The following HTT variants were observed in gnomAD, a reference collection of about 807,000 sequenced individuals.
HTT encodes huntingtin.
Under a neutral mutation model 362.3 loss-of-function variants are expected in HTT, and 104 were observed. That is an observed-to-expected ratio of 0.29 (90% CI 0.24 to 0.34). HTT has a LOEUF of 0.34. Among genes scored for constraint, HTT ranks in the 10% least tolerant of loss-of-function variants. The probability of loss-of-function intolerance (pLI) is 1.00; values close to 1 mark genes in which losing one functional copy is unlikely to be tolerated. For synonymous variants in HTT, 1,577 were observed against 1,548.7 expected (o/e 1.02, Z -0.43); for missense variants, 3,301 against 3,928.6 (o/e 0.84, Z 4.27).
chr4:3,229,496 G>C (rs549723156), intron 59 of HTT, among the ~76,000 whole-genome samples: 3 of 132,022 alleles, frequency 2.3e-5, no homozygotes, highest in Admixed American at 1.5e-4. Context: ...CTACACACAC[G>C]CCACGTGCAC....
At position 3,218,922 on chromosome 4, in the gene HTT, T is replaced by C. The variant is rs989232417; in HGVS notation, c.7242+970T>C. On this transcript the variant is annotated intron_variant, in intron 52 of 66. Transcript: ENST00000355072. This position sits in a 1 kb window ranked among gnomAD's most constrained non-coding sequence, Gnocchi z 4.4. Reference sequence around the variant, plus strand: ...GAGGCTTGTGGCTGCCTGAGAAGGGTGCGTGCCTGCCTGTGTGTGTGTGTG... The same window carrying C: ...GAGGCTTGTGGCTGCCTGAGAAGGGCGCGTGCCTGCCTGTGTGTGTGTGTG... 6.6e-6 allele frequency among the ~76,000 whole-genome samples: 1 copy of C among 151,854 alleles called. No homozygotes were observed. The highest frequency in any genetic ancestry group is 2.4e-5 in the African/African-American group (1 of 41,356).
At chr4:3,238,232 A>G (rs1189736104) in intron 64 of HTT, among the ~76,000 whole-genome samples, 4 of 152,200 alleles carry the variant, frequency 2.6e-5, no homozygotes, top group Admixed American at 2.6e-4. Flanking sequence ...AGACAGAGGA[A>G]GGGCTGGGGT....
chr4:3,147,604 C>T (rs557411471), intron 25 of HTT, among the ~76,000 whole-genome samples: 3 of 152,270 alleles, frequency 2.0e-5, no homozygotes, highest in East Asian at 3.9e-4. Flanking sequence ...CCAACTTGAA[C>T]ATGGGCTGGA....
intron 37 of HTT, 75 bp from the exon 38 acceptor site, chr4:3,186,522 T>C: frequency 6.5e-7 from 1 of 1,539,268 alleles, no homozygotes; most frequent in East Asian, 2.3e-5. Flanking sequence ...TGCCCTTGAG[T>C]TACATAGCTG....
chr4:3,078,338 A>G (rs1712675405), intron 1 of HTT, among the ~76,000 whole-genome samples: 1 of 152,268 alleles, frequency 6.6e-6, no homozygotes, highest in Non-Finnish European at 1.5e-5. Context: ...TTTCATTCTA[A>G]TGAAGGACAT....
intron 30 of HTT, 57 bp downstream of exon 30, chr4:3,172,454 G>A (rs1011661155): frequency 2.7e-5 from 29 of 1,091,666 alleles, no homozygotes; most frequent in African/African-American, 1.9e-4. Flanking sequence ...ACAGCAAAAC[G>A]CTGCTACTCC....
chr4:3,082,408 G>A (rs1712959922), intron 1 of HTT, among the ~76,000 whole-genome samples: 1 of 152,154 alleles, frequency 6.6e-6, no homozygotes, highest in Admixed American at 6.5e-5. Context: ...AGACAACAAG[G>A]AGGAAAAATA....
At chr4:3,114,303 G>C (rs1444448141) in intron 6 of HTT, among the ~76,000 whole-genome samples, 1 of 152,196 alleles carries the variant, frequency 6.6e-6, no homozygotes, top group Non-Finnish European at 1.5e-5. Context: ...TCCAGTGTGG[G>C]CATTAGGGCC....
intron 2 of HTT, among the ~76,000 whole-genome samples, chr4:3,097,563 C>T (rs1178543674): frequency 7.9e-5 from 12 of 152,208 alleles, no homozygotes; most frequent in African/African-American, 2.2e-4. Flanking sequence ...ACCTGGGAGG[C>T]GGAGGTTGCA....
chr4:3,232,182 G>A (rs896520632), intron 60 of HTT, among the ~76,000 whole-genome samples: 1 of 152,144 alleles, frequency 6.6e-6, no homozygotes, highest in Non-Finnish European at 1.5e-5. Context: ...GGTGAGGTGG[G>A]GGCCCAAGAA....
At chr4:3,230,291 C>G (rs978897638) in intron 60 of HTT, among the ~76,000 whole-genome samples, 1 of 152,198 alleles carries the variant, frequency 6.6e-6, no homozygotes, top group Non-Finnish European at 1.5e-5. Flanking sequence ...TCCCGTATCC[C>G]TGGGCTTATG....
intron 57 of HTT, among the ~76,000 whole-genome samples, chr4:3,226,051 G>C (rs764668585): frequency 6.6e-6 from 1 of 152,188 alleles, no homozygotes; most frequent in Non-Finnish European, 1.5e-5. Flanking sequence ...AGCAAGGACC[G>C]TGAGACACAA....
intron 27 of HTT, among the ~76,000 whole-genome samples, chr4:3,156,479 A>C (rs537845852): frequency 1.3e-5 from 2 of 152,288 alleles, no homozygotes; most frequent in Non-Finnish European, 2.9e-5. Flanking sequence ...AGGAAGATTG[A>C]CCTGTTGAAA....
chr4:3,102,186 C>T (rs566942109), intron 3 of HTT, among the ~76,000 whole-genome samples: 4 of 152,176 alleles, frequency 2.6e-5, no homozygotes, highest in South Asian at 2.1e-4. Flanking sequence ...TGCAGGGCCT[C>T]GAGCCAGGAT....
At chr4:3,207,130 C>A in intron 44 of HTT, 147 bp downstream of exon 44, 1 of 1,036,220 alleles carries the variant, frequency 9.7e-7, no homozygotes, top group Non-Finnish European at 1.4e-6. Context: ...TGCCGTTACT[C>A]GTGTGTCCGA....
intron 10 of HTT, among the ~76,000 whole-genome samples, chr4:3,124,606 G>A (rs1041238961): frequency 6.6e-6 from 1 of 152,092 alleles, no homozygotes; most frequent in Non-Finnish European, 1.5e-5. Flanking sequence ...CCACTGATTT[G>A]GAAGATAGAG....
At chr4:3,112,737 A>T (rs905207516) in intron 6 of HTT, among the ~76,000 whole-genome samples, 2 of 152,176 alleles carry the variant, frequency 1.3e-5, no homozygotes, top group Admixed American at 1.3e-4. Context: ...TTTGGAGTAC[A>T]TGTGCAGGTT....
chr4:3,134,275 C>G, intron 18 of HTT, 126 bp from the exon 19 acceptor site: 1 of 710,200 alleles, frequency 1.4e-6, no homozygotes, highest in Non-Finnish European at 2.3e-6. Flanking sequence ...GGGAAAAATG[C>G]AACATCCTGG....
chr4:3,225,307 T>G (rs558475583), intron 56 of HTT, among the ~76,000 whole-genome samples: 1 of 152,310 alleles, frequency 6.6e-6, no homozygotes, highest in South Asian at 2.1e-4. Context: ...GCCTGGACTG[T>G]CGGCTCGCCT....
Sources: allele counts gnomAD v4.1 joint callset (sites outside exome capture counted in the v4.1 genomes callset), GRCh38; gene constraint gnomAD v4.1.1; non-coding constraint Gnocchi (gnomAD v3.1); transcripts MANE v1.5; gene names NCBI Gene and HGNC (gene_info 2026-07-23, HGNC 2026-07-21).